Variants in DST observed in about 807,000 individuals in gnomAD.
The protein encoded by DST is dystonin.
DST carries 253 observed loss-of-function variants against 875.2 expected under a neutral mutation model. That is an observed-to-expected ratio of 0.29 (90% CI 0.26 to 0.32). The LOEUF is 0.32. Among genes scored for constraint, DST ranks in the 10% least tolerant of loss-of-function variants. DST has a pLI of 1.00. For missense variants in DST, 8,287 were observed against 9,111.6 expected (o/e 0.91, Z 3.68); for synonymous variants, 3,124 against 3,197.1 (o/e 0.98, Z 0.77).
At position 56,555,295 on chromosome 6, in the gene DST, T is replaced by C. The variant is rs1453188720; in HGVS notation, c.15136+50A>G. ...GGCAACATCTTGGAAATAGGCAATA[T>C]ATGACATTTATTTCTGACCAGGAAA... On this transcript the variant is annotated intron_variant, in intron 60 of 103. Transcript: ENST00000680361. The C allele has an allele frequency of 4.6e-6, 7 of 1,518,466 alleles. No individual in the cohort carries two copies. The Admixed American group carries it at 1.5e-4, about 33-fold the overall frequency. The allele number at this position is 1,518,466 out of a possible 1,614,324, so 94.1% of individuals were successfully genotyped here. A position where few individuals can be genotyped will look rare whatever the true frequency, so the allele number is the denominator to read the frequency against.
rs1459515939 is a variant in DST, at chr6:56,714,140, C to T, written c.688-9771G>A. Among the ~76,000 whole-genome samples the T allele has an allele frequency of 6.6e-6, 1 of 152,154 alleles. No homozygotes were observed. Among genetic ancestry groups the T allele is most frequent in the Non-Finnish European group, 1.5e-5 (1 of 68,028 alleles). On this transcript the variant is annotated intron_variant, in intron 5 of 103. Coordinates refer to ENST00000680361, the MANE Select transcript of DST (RefSeq NM_001374736.1). This position sits in a 1 kb window ranked among gnomAD's most constrained non-coding sequence, Gnocchi z 4.5. ...CTTAAATCCAGATGACACTCCATGT[C>T]CCCAGTACCACGATTCATATTTTTC...
intron 87 of DST, among the ~76,000 whole-genome samples, 198 bp downstream of exon 87, chr6:56,486,906 T>C (rs2095589831): frequency 6.6e-6 from 1 of 152,128 alleles, no homozygotes; most frequent in Admixed American, 6.5e-5. Context: ...CACTTTTTAT[T>C]GTAATGAGTA....
chr6:56,654,209 T>G (rs2098991600), intron 10 of DST, among the ~76,000 whole-genome samples: 2 of 152,184 alleles, frequency 1.3e-5, no homozygotes, highest in African/African-American at 4.8e-5. Context: ...CTCTTATTTT[T>G]TTTATTATTC....
At chr6:56,491,115 A>T (rs1368632981) in intron 85 of DST, among the ~76,000 whole-genome samples, 1 of 152,210 alleles carries the variant, frequency 6.6e-6, no homozygotes, top group Non-Finnish European at 1.5e-5. Context: ...TTAGAGATGG[A>T]GTATATCCCA....
intron 90 of DST, among the ~76,000 whole-genome samples, chr6:56,478,742 G>A (rs934838754): frequency 4.6e-5 from 7 of 152,126 alleles, no homozygotes; most frequent in African/African-American, 1.4e-4. Context: ...GCCAGAGGCC[G>A]CAGAGATCGA....
chr6:56,648,529 C>G (rs139128327), intron 13 of DST, 41 bp downstream of exon 13: 1 of 1,514,116 alleles, frequency 6.6e-7, no homozygotes, highest in East Asian at 2.5e-5. Flanking sequence ...TAAGGGTTTA[C>G]AATTGAATCA....
chr6:56,759,109 G>A (rs1589754435), intron 4 of DST, among the ~76,000 whole-genome samples: 2 of 152,084 alleles, frequency 1.3e-5, no homozygotes, highest in East Asian at 3.9e-4. Context: ...CTATTATTGT[G>A]GGTCACTGCA....
intron 2 of DST, among the ~76,000 whole-genome samples, chr6:56,932,076 C>A (rs918004031): frequency 6.6e-6 from 1 of 152,126 alleles, no homozygotes; most frequent in South Asian, 2.1e-4. Flanking sequence ...TGTGTCCCCA[C>A]CCGAATCTCA....
intron 2 of DST, among the ~76,000 whole-genome samples, chr6:56,947,580 C>T: frequency 6.6e-6 from 1 of 152,178 alleles, no homozygotes; most frequent in East Asian, 1.9e-4. Flanking sequence ...AGCAGATGCC[C>T]TCCTAAAGTG....
intron 3 of DST, chr6:56,871,225 C>G: frequency 1.0e-5 from 8 of 768,398 alleles, no homozygotes. Context: ...GAGAACCACA[C>G]AAAGTCATGC....
chr6:56,582,914 A>G (rs1215424269), intron 49 of DST, among the ~76,000 whole-genome samples: 4 of 152,142 alleles, frequency 2.6e-5, no homozygotes, highest in Non-Finnish European at 5.9e-5. Context: ...GTCCCTACAA[A>G]GGACATGAAC....
At chr6:56,459,405 C>T in intron 103 of DST, 138 bp from the exon 104 acceptor site, 2 of 839,264 alleles carry the variant, frequency 2.4e-6, no homozygotes, top group Non-Finnish European at 1.8e-6. Flanking sequence ...TGTGGATTCA[C>T]AGCCTTTCTC....
intron 58 of DST, among the ~76,000 whole-genome samples, chr6:56,559,171 A>G (rs1412967270): frequency 6.6e-6 from 1 of 152,152 alleles, no homozygotes; most frequent in Non-Finnish European, 1.5e-5. Context: ...ACAATCTGGC[A>G]ACAAAATAAT....
intron 65 of DST, 89 bp from the exon 66 acceptor site, chr6:56,529,863 T>C: frequency 6.9e-7 from 1 of 1,459,766 alleles, no homozygotes; most frequent in Non-Finnish European, 9.1e-7. Flanking sequence ...GCATGACATG[T>C]TAAATGGATT....
At chr6:56,702,362 G>A in intron 7 of DST, among the ~76,000 whole-genome samples, 1 of 150,042 alleles carries the variant, frequency 6.7e-6, no homozygotes. Flanking sequence ...TTAGCAAGAG[G>A]GTTTTTATAA....
At chr6:56,831,671 T>C (rs1422700574) in intron 4 of DST, among the ~76,000 whole-genome samples, 2 of 152,156 alleles carry the variant, frequency 1.3e-5, no homozygotes, top group Non-Finnish European at 2.9e-5. Context: ...CCTGATTCCT[T>C]AGCATATTTT....
rs1432026698 is a variant in DST, at chr6:56,466,193, A to G, written c.22572T>C (p.Phe7524=). The G allele has an allele frequency of 6.3e-7, 1 of 1,599,570 alleles. No homozygotes were observed. ...NKYRFFLGNQ[F]GDSQQLRLVR... is the part of the protein sequence containing the mutation. ...CCAGTCGCAGTTGCTGGGAGTCTCC[A>G]AACTGTTCAGTGAAGAAAGAAAGAA... Residue 7524 remains phenylalanine, a splice_region_variant and synonymous_variant, in exon 99 of 104, where the codon TTT becomes TTC. Coordinates refer to ENST00000680361, the MANE Select transcript of DST (RefSeq NM_001374736.1).
chr6:56,736,061 T>G (rs2152930577), intron 4 of DST, among the ~76,000 whole-genome samples: 1 of 152,112 alleles, frequency 6.6e-6, no homozygotes, highest in East Asian at 1.9e-4. Context: ...CTTGTTTGTT[T>G]GTTTTGTATT....
intron 4 of DST, among the ~76,000 whole-genome samples, chr6:56,745,445 A>C (rs114632793): frequency 2.0e-4 from 31 of 152,346 alleles, no homozygotes; most frequent in Middle Eastern, 6.8e-3. Flanking sequence ...AAATCTTTGG[A>C]TTTATACTAC....
Sources: allele counts gnomAD v4.1 joint callset (sites outside exome capture counted in the v4.1 genomes callset), GRCh38; gene constraint gnomAD v4.1.1; non-coding constraint Gnocchi (gnomAD v3.1); transcripts MANE v1.5; gene names NCBI Gene and HGNC (gene_info 2026-07-23, HGNC 2026-07-21).